Variants in FAM193A observed in about 807,000 individuals in gnomAD.
FAM193A encodes the protein protein FAM193A.
A neutral mutation model predicts 126.5 loss-of-function variants in FAM193A; 22 were observed. The observed-to-expected ratio is 0.17, with a 90% CI of 0.12 to 0.25. FAM193A has a LOEUF of 0.25. Ranked by LOEUF, FAM193A falls within the 10% of genes least tolerant of loss-of-function variation. The pLI, the probability that FAM193A is intolerant of heterozygous loss-of-function variation, is 1.00. For synonymous variants in FAM193A, 761 were observed against 646.8 expected (o/e 1.18, Z -2.68); for missense variants, 1,675 against 1,672.8 (o/e 1.00, Z -0.02).
intron 2 of FAM193A, among the ~76,000 whole-genome samples, chr4:2,608,851 G>A (rs1252354589): frequency 6.6e-6 from 1 of 151,352 alleles, no homozygotes; most frequent in African/African-American, 2.4e-5. Context: ...GCTAATCATC[G>A]ATCTCTCTCT....
chr4:2,713,194 C>T (rs146935691), intron 19 of FAM193A, among the ~76,000 whole-genome samples: 1,990 of 151,532 alleles, frequency 0.013, 25 homozygotes, highest in Non-Finnish European at 0.021. Flanking sequence ...ATCATGAGGT[C>T]AAGAGATCAA....
chr4:2,567,452 C>T (rs1027954878), intron 1 of FAM193A, among the ~76,000 whole-genome samples: 1 of 152,056 alleles, frequency 6.6e-6, no homozygotes, highest in Non-Finnish European at 1.5e-5. Context: ...TTAGAGTACT[C>T]CTAAGATCTG....
chr4:2,578,159 G>A (rs934412693), intron 1 of FAM193A, among the ~76,000 whole-genome samples: 3 of 151,996 alleles, frequency 2.0e-5, no homozygotes, highest in African/African-American at 4.8e-5. Flanking sequence ...TTGACTTCCC[G>A]GGCTTAAGCA....
chr4:2,602,944 G>T (rs1046476296), intron 2 of FAM193A, among the ~76,000 whole-genome samples: 7 of 136,884 alleles, frequency 5.1e-5, no homozygotes, highest in African/African-American at 1.7e-4. Context: ...ACAAGTGTGA[G>T]CCACTGCACC....
At chr4:2,572,712 C>A (rs1351242547) in intron 1 of FAM193A, among the ~76,000 whole-genome samples, 3 of 148,016 alleles carry the variant, frequency 2.0e-5, no homozygotes, top group Non-Finnish European at 4.5e-5. Flanking sequence ...AGGGCTGGGG[C>A]GAGGATTTTG....
chr4:2,726,939 A>G (rs1458888125), intron 20 of FAM193A, among the ~76,000 whole-genome samples: 1 of 135,562 alleles, frequency 7.4e-6, no homozygotes, highest in African/African-American at 2.9e-5. Context: ...AACAAGAGCA[A>G]AACTCCGTCC....
chr4:2,606,667 G>A (rs1286913147), intron 2 of FAM193A, among the ~76,000 whole-genome samples: 2 of 152,142 alleles, frequency 1.3e-5, no homozygotes, highest in Admixed American at 1.3e-4. Flanking sequence ...TCACATGTTG[G>A]TTATTTGTAA....
At chr4:2,583,743 T>G (rs1469586491) in intron 1 of FAM193A, among the ~76,000 whole-genome samples, 1 of 152,246 alleles carries the variant, frequency 6.6e-6, no homozygotes, top group East Asian at 1.9e-4. Context: ...TGATTGTGTC[T>G]ACCCCAGGTG....
intron 1 of FAM193A, among the ~76,000 whole-genome samples, chr4:2,576,350 G>A (rs113673240): frequency 3.0e-4 from 46 of 152,230 alleles, no homozygotes; most frequent in African/African-American, 1.0e-3. Context: ...CGCCTGCCTC[G>A]GCCTCCCAGA....
chr4:2,636,426 G>A (rs150548402), intron 5 of FAM193A, among the ~76,000 whole-genome samples: 17 of 152,172 alleles, frequency 1.1e-4, no homozygotes, highest in East Asian at 3.9e-4. Flanking sequence ...ACACCAACGC[G>A]GGAGAGTTTC....
At chr4:2,706,646 C>T (rs1459093896) in intron 19 of FAM193A, among the ~76,000 whole-genome samples, 1 of 151,560 alleles carries the variant, frequency 6.6e-6, no homozygotes, top group Admixed American at 6.6e-5. Flanking sequence ...TGGAATTTCT[C>T]TTCCTTTCCT....
intron 1 of FAM193A, among the ~76,000 whole-genome samples, chr4:2,538,967 C>G (rs138598873): frequency 1.3e-5 from 2 of 151,858 alleles, no homozygotes. Flanking sequence ...CTTGGCGCAC[C>G]GTAACCTCTG....
intron 1 of FAM193A, among the ~76,000 whole-genome samples, chr4:2,567,292 C>T (rs1739027438): frequency 1.3e-5 from 2 of 152,104 alleles, no homozygotes; most frequent in Non-Finnish European, 2.9e-5. Flanking sequence ...CAACAGAAAC[C>T]TTGCATAATT....
chr4:2,710,022 CA>C (rs1718733129), intron 19 of FAM193A, among the ~76,000 whole-genome samples: 1 of 152,074 alleles, frequency 6.6e-6, no homozygotes, highest in African/African-American at 2.4e-5. Flanking sequence ...AATTTCTTTG[CA>C]ATGATTATTT....
chr4:2,607,570 T>C lies in FAM193A; in HGVS notation c.501+11241T>C, dbSNP rs546472737. 5.3e-5 allele frequency among the ~76,000 whole-genome samples: 8 copies of C among 152,370 alleles called. No individual in the cohort carries two copies. In the South Asian group the frequency reaches 6.2e-4, roughly 12 times the overall value. ...TCTGTCTGCTGATACATATTTAACATAGGTGTCAACCAGATTTGTTTTTAG... is the reference window on the plus strand; with the variant it reads ...TCTGTCTGCTGATACATATTTAACACAGGTGTCAACCAGATTTGTTTTTAG... On this transcript the variant is annotated intron_variant, in intron 2 of 20. Coordinates refer to ENST00000637812, the MANE Select transcript of FAM193A (RefSeq NM_001366318.2).
chr4:2,620,138 T>G (rs1742453077), intron 2 of FAM193A, among the ~76,000 whole-genome samples: 1 of 152,240 alleles, frequency 6.6e-6, no homozygotes, highest in Non-Finnish European at 1.5e-5. Flanking sequence ...GTGTTAGACT[T>G]GGGTGAAACA....
chr4:2,646,159 C>CTTTT (rs568447182), intron 6 of FAM193A, among the ~76,000 whole-genome samples: 6 of 69,120 alleles, frequency 8.7e-5, no homozygotes, highest in East Asian at 4.5e-4. Context: ...TGAGCATCTC[C>CTTTT]TTTTTTTTTT....
At chr4:2,641,802 T>C (rs768907234) in intron 6 of FAM193A, among the ~76,000 whole-genome samples, 18 of 152,060 alleles carry the variant, frequency 1.2e-4, no homozygotes, top group Non-Finnish European at 2.4e-4. Flanking sequence ...TAAAAGAGAA[T>C]TGAGGACAAA....
intron 2 of FAM193A, among the ~76,000 whole-genome samples, chr4:2,601,654 C>T (rs752206098): frequency 2.8e-4 from 42 of 150,552 alleles, no homozygotes; most frequent in Non-Finnish European, 5.3e-4. Flanking sequence ...TTTGGGAGGC[C>T]GAAGCAGGAG....
Sources: gnomAD v4.1 joint callset for allele counts (sites outside exome capture counted in the v4.1 genomes callset) on GRCh38, gnomAD v4.1.1 for gene constraint, MANE v1.5 for transcripts, NCBI Gene and HGNC (gene_info 2026-07-23, HGNC 2026-07-21) for gene names.